GLRA2: variants seen among roughly 807,000 people sequenced by gnomAD.
GLRA2 encodes the protein glycine receptor subunit alpha-2.
GLRA2 carries 11 observed loss-of-function variants against 31.6 expected under a neutral mutation model. The observed-to-expected ratio is 0.35, with a 90% CI of 0.22 to 0.58. GLRA2 has a LOEUF of 0.58. GLRA2 is among the 20% of genes least tolerant of loss of function. The pLI is 0.84. For missense variants in GLRA2, 212 were observed against 351.8 expected, an observed-to-expected ratio of 0.60 and a Z score of 3.18; for synonymous variants, 132 against 134.0, an observed-to-expected ratio of 0.99 and a Z score of 0.10.
At chrX:14,583,713 T>G (rs757852033) in intron 4 of GLRA2, among the ~76,000 whole-genome samples, 1 of 111,854 alleles carries the variant, frequency 8.9e-6, no homozygotes, top group Non-Finnish European at 1.9e-5. Flanking sequence ...CACTCCAGCC[T>G]GGGTGACAGA....
the GLRA2 span, among the ~76,000 whole-genome samples, chrX:14,519,240 C>A: frequency 9.0e-6 from 1 of 110,704 alleles, no homozygotes; most frequent in Admixed American, 9.7e-5. Flanking sequence ...TGAACTTAAT[C>A]AAAAATGAAG....
At chrX:14,515,656 C>A in the GLRA2 span, among the ~76,000 whole-genome samples, 1 of 111,856 alleles carries the variant, frequency 8.9e-6, no homozygotes, top group Admixed American at 9.5e-5. Flanking sequence ...AGTTAGACTT[C>A]TAAATGTTAA....
At chrX:14,683,291 C>T (rs2091236687) in intron 7 of GLRA2, among the ~76,000 whole-genome samples, 1 of 111,983 alleles carries the variant, frequency 8.9e-6, no homozygotes, top group Non-Finnish European at 1.9e-5. Context: ...TTGCATTTTT[C>T]TGATGGCCAG....
chrX:14,522,919 A>G, the GLRA2 span, among the ~76,000 whole-genome samples: 1 of 111,903 alleles, frequency 8.9e-6, no homozygotes, highest in Non-Finnish European at 1.9e-5. Context: ...TAAGAATGGT[A>G]AATGGGCATT....
intron 2 of GLRA2, among the ~76,000 whole-genome samples, chrX:14,559,970 CTT>C (rs1289915727): frequency 1.8e-5 from 2 of 111,613 alleles, no homozygotes; most frequent in African/African-American, 6.5e-5. Context: ...AAGGCTCTCT[CTT>C]TCATGGGCAT....
In GLRA2 at chrX:14,644,168, C is replaced by G. The variant is rs1313049251; in HGVS notation, c.930+34963C>G. ...TTCTCTACACTCCTGACCTCCTTTGCCCTTCTTCTGTGGCCAGGAACAGAG... is the reference window on the plus strand; with the variant it reads ...TTCTCTACACTCCTGACCTCCTTTGGCCTTCTTCTGTGGCCAGGAACAGAG... On this transcript the variant is annotated intron_variant, in intron 7 of 8. Coordinates refer to ENST00000218075, the MANE Select transcript of GLRA2 (RefSeq NM_002063.4). Among the ~76,000 whole-genome samples, 8 of 111,631 alleles carry G rather than the reference C, an allele frequency of 7.2e-5. No individual in the cohort carries two copies. In the Admixed American group the frequency reaches 7.6e-4, roughly 11 times the overall value.
chrX:14,600,925 T>C (rs1176985453), intron 4 of GLRA2, among the ~76,000 whole-genome samples: 1 of 111,094 alleles, frequency 9.0e-6, no homozygotes. Flanking sequence ...AGATTCTCAT[T>C]ATGGTAATAA....
At chrX:14,677,011 G>C (rs774997751) in intron 7 of GLRA2, among the ~76,000 whole-genome samples, 3 of 111,424 alleles carry the variant, frequency 2.7e-5, no homozygotes, top group Non-Finnish European at 5.7e-5. Flanking sequence ...TGCTTATCTA[G>C]CACCATGAAA....
At chrX:14,620,312 C>T (rs112107183) in intron 7 of GLRA2, among the ~76,000 whole-genome samples, 1,864 of 108,810 alleles carry the variant, frequency 0.017, 46 homozygotes, top group African/African-American at 0.059. Context: ...TCCCTTCTCG[C>T]TTCTCCAGTT....
At chrX:14,515,768 T>A in the GLRA2 span, among the ~76,000 whole-genome samples, 1 of 112,030 alleles carries the variant, frequency 8.9e-6, no homozygotes, top group Non-Finnish European at 1.9e-5. Context: ...ATTTAATACA[T>A]GTATTAAAAA....
chrX:14,545,132 T>A (rs1391021443), intron 2 of GLRA2, among the ~76,000 whole-genome samples: 3 of 112,197 alleles, frequency 2.7e-5, no homozygotes, highest in African/African-American at 9.7e-5. Flanking sequence ...AGCCCACAGA[T>A]AATGGGATAC....
chrX:14,695,402 T>C (rs1216315072), intron 8 of GLRA2, among the ~76,000 whole-genome samples: 1 of 112,176 alleles, frequency 8.9e-6, no homozygotes, highest in African/African-American at 3.2e-5. Context: ...GGTATTCACA[T>C]TGCAGTGAAA....
chrX:14,695,016 G>A (rs951266663), intron 8 of GLRA2, among the ~76,000 whole-genome samples: 10 of 111,947 alleles, frequency 8.9e-5, no homozygotes, highest in Non-Finnish European at 7.5e-5. Context: ...GAGACATCTC[G>A]ATAGAGTTGG....
At chrX:14,686,894 C>G (rs2091284810) in intron 7 of GLRA2, among the ~76,000 whole-genome samples, 1 of 112,102 alleles carries the variant, frequency 8.9e-6, no homozygotes, top group Non-Finnish European at 1.9e-5. Context: ...TTAGTTGATG[C>G]AGCTTCTTCC....
chrX:14,555,594 T>C (rs912832196), intron 2 of GLRA2, among the ~76,000 whole-genome samples: 1 of 112,048 alleles, frequency 8.9e-6, no homozygotes, highest in African/African-American at 3.2e-5. Context: ...GTGTTTCTCA[T>C]TGGTGATTGT....
At chrX:14,632,370 G>A in intron 7 of GLRA2, among the ~76,000 whole-genome samples, 1 of 111,165 alleles carries the variant, frequency 9.0e-6, no homozygotes, top group Non-Finnish European at 1.9e-5. Flanking sequence ...TAAATTGAAT[G>A]TGACAATGTA....
the GLRA2 span, among the ~76,000 whole-genome samples, chrX:14,473,795 T>C: frequency 8.9e-6 from 1 of 112,281 alleles, no homozygotes; most frequent in Admixed American, 9.4e-5. Flanking sequence ...TTTGTTTATA[T>C]GAAAGGAAAC....
At chrX:14,525,632 C>G (rs1281702143), upstream of GLRA2, among the ~76,000 whole-genome samples, 1 of 110,811 alleles carries the variant, frequency 9.0e-6, no homozygotes, top group Non-Finnish European at 1.9e-5. Context: ...AATGACTTGT[C>G]CAGTCACATA....
the GLRA2 span, among the ~76,000 whole-genome samples, chrX:14,489,933 T>C: frequency 9.0e-6 from 1 of 110,782 alleles, no homozygotes; most frequent in African/African-American, 3.3e-5. Context: ...AAAAATCCTA[T>C]AATAGTACAA....
Sources: allele counts gnomAD v4.1 joint callset (sites outside exome capture counted in the v4.1 genomes callset), GRCh38; gene constraint gnomAD v4.1.1; transcripts MANE v1.5; gene names NCBI Gene and HGNC (gene_info 2026-07-23, HGNC 2026-07-21).